The following GALNT13 variants were observed in gnomAD, a reference collection of about 807,000 sequenced individuals.
The protein encoded by GALNT13 is UDP-GalNAc:polypeptide N-acetylgalactosaminyltransferase 13.
Under a neutral mutation model 64.2 loss-of-function variants are expected in GALNT13, and 28 were observed. The ratio of observed to expected loss-of-function variants is 0.44; its 90% CI spans 0.32 to 0.60. The LOEUF (loss-of-function observed/expected upper bound fraction) is 0.60, where lower values mean the gene tolerates loss of function less well. GALNT13 is among the 20% of genes least tolerant of loss of function. The pLI is 0.05. For missense variants in GALNT13, 577 were observed against 669.8 expected, an observed-to-expected ratio of 0.86 and a Z score of 1.53; for synonymous variants, 214 against 224.6, an observed-to-expected ratio of 0.95 and a Z score of 0.42.
chr2:153,589,077 G>A, the GALNT13 span, among the ~76,000 whole-genome samples: 9 of 152,212 alleles, frequency 5.9e-5, 1 homozygote, highest in South Asian at 2.1e-4. Flanking sequence ...GATTGAACTC[G>A]GGAGCTGAGA....
At chr2:153,629,839 A>T in the GALNT13 span, among the ~76,000 whole-genome samples, 4 of 148,154 alleles carry the variant, frequency 2.7e-5, no homozygotes, top group South Asian at 6.7e-4. Context: ...TGGGCGAGGG[A>T]CATGAACAGA....
At position 154,306,662 on chromosome 2, in the gene GALNT13, G is replaced by C. The variant is rs574063432; in HGVS notation, c.1156+5073G>C. Among the ~76,000 whole-genome samples the C allele has an allele frequency of 8.0e-4, 120 of 150,684 alleles. 1 individual carries two copies. The highest frequency in any genetic ancestry group is 2.8e-3 in the African/African-American group (116 of 41,094). ...TGGGGAGTGCTGATTAGTCAGAGAT[G>C]AAATCATAGGGTATTGAAGTGGGTT... is the stretch of plus-strand genomic sequence containing the variant. On this transcript the variant is annotated intron_variant, in intron 9 of 12. Transcript: ENST00000392825.
At chr2:153,571,858 G>A in the GALNT13 span, among the ~76,000 whole-genome samples, 4 of 151,840 alleles carry the variant, frequency 2.6e-5, no homozygotes, top group African/African-American at 4.8e-5. Flanking sequence ...CTAGTATTTT[G>A]TTGAGGATTA....
chr2:154,327,548 C>A (rs1047527583), intron 9 of GALNT13, among the ~76,000 whole-genome samples: 2 of 152,010 alleles, frequency 1.3e-5, no homozygotes, highest in Non-Finnish European at 2.9e-5. Flanking sequence ...GGGCCCAACT[C>A]TATGTAGATA....
chr2:153,377,792 G>A, the GALNT13 span, among the ~76,000 whole-genome samples: 1 of 152,086 alleles, frequency 6.6e-6, no homozygotes, highest in Admixed American at 6.6e-5. Context: ...CGAATACAGT[G>A]CCCAATAATT....
At chr2:154,012,507 C>T (rs889126390) in intron 3 of GALNT13, among the ~76,000 whole-genome samples, 2 of 152,032 alleles carry the variant, frequency 1.3e-5, no homozygotes, top group African/African-American at 4.8e-5. Context: ...TTTTTTCTTT[C>T]ATTATGACCC....
intron 3 of GALNT13, among the ~76,000 whole-genome samples, chr2:154,118,868 T>C (rs146339823): frequency 7.2e-4 from 109 of 152,254 alleles, no homozygotes; most frequent in African/African-American, 2.5e-3. Context: ...TTTATGTTTT[T>C]GATGCCAGAA....
chr2:153,745,673 A>G, the GALNT13 span, among the ~76,000 whole-genome samples: 3 of 152,212 alleles, frequency 2.0e-5, no homozygotes. Flanking sequence ...GCATAGGTTA[A>G]CATAGGCCAA....
intron 4 of GALNT13, among the ~76,000 whole-genome samples, chr2:154,237,537 TGTA>T (rs1191747379): frequency 5.4e-5 from 8 of 147,318 alleles, no homozygotes; most frequent in African/African-American, 2.0e-4. Flanking sequence ...TATATATATA[TGTA>T]ATATTATATA....
intron 4 of GALNT13, among the ~76,000 whole-genome samples, chr2:154,198,020 G>T (rs1034887747): frequency 6.6e-6 from 1 of 151,814 alleles, no homozygotes; most frequent in Non-Finnish European, 1.5e-5. Flanking sequence ...GCAAGTGTTG[G>T]CAAGGATGCA....
At chr2:153,880,827 A>G (rs1168451852) in intron 1 of GALNT13, among the ~76,000 whole-genome samples, 2 of 137,958 alleles carry the variant, frequency 1.4e-5, no homozygotes, top group African/African-American at 2.9e-5. Flanking sequence ...TTTGCTCCAT[A>G]TCTTGTTCTT....
the GALNT13 span, among the ~76,000 whole-genome samples, chr2:153,541,694 A>C: frequency 6.6e-6 from 1 of 152,224 alleles, no homozygotes. Flanking sequence ...GGAGGGGAAT[A>C]CATGCTTAGA....
chr2:153,588,123 C>G, the GALNT13 span, among the ~76,000 whole-genome samples: 6 of 152,190 alleles, frequency 3.9e-5, no homozygotes, highest in African/African-American at 1.4e-4. Context: ...TGTGGCTTTT[C>G]AGGGTACAGC....
chr2:154,417,840 T>G (rs1700089438), intron 11 of GALNT13, among the ~76,000 whole-genome samples: 2 of 152,046 alleles, frequency 1.3e-5, no homozygotes, highest in Non-Finnish European at 2.9e-5. Flanking sequence ...ATTCTATCAA[T>G]CTAGTCGCAC....
rs151198545 is a variant in GALNT13, at chr2:154,306,676, T to C, written c.1156+5087T>C. On this transcript the variant is annotated intron_variant, in intron 9 of 12. Coordinates refer to ENST00000392825, the MANE Select transcript of GALNT13 (RefSeq NM_052917.4). ...TAGTCAGAGATGAAATCATAGGGTA[T>C]TGAAGTGGGTTTTTCTTGCAGTCTT... Among the ~76,000 whole-genome samples the C allele has an allele frequency of 7.9e-4, 119 of 149,838 alleles. 1 individual carries two copies. Among genetic ancestry groups the C allele is most frequent in the Non-Finnish European group, 1.5e-3 (103 of 67,626 alleles).
chr2:153,883,905 A>G (rs1296161103), intron 1 of GALNT13, among the ~76,000 whole-genome samples: 3 of 152,052 alleles, frequency 2.0e-5, no homozygotes, highest in African/African-American at 7.2e-5. Context: ...TTTTCAGTCA[A>G]TCTTACTTAA....
At chr2:154,181,829 G>A (rs1240440127) in intron 4 of GALNT13, among the ~76,000 whole-genome samples, 1 of 151,676 alleles carries the variant, frequency 6.6e-6, no homozygotes, top group Non-Finnish European at 1.5e-5. Context: ...CAGTTCCTTA[G>A]TATCTAAGCT....
At chr2:153,722,994 A>T in the GALNT13 span, among the ~76,000 whole-genome samples, 1 of 152,108 alleles carries the variant, frequency 6.6e-6, no homozygotes, top group African/African-American at 2.4e-5. Context: ...GGGCAGAGAC[A>T]CAACCAAAAG....
At chr2:153,916,516 A>G (rs540821598) in intron 2 of GALNT13, among the ~76,000 whole-genome samples, 1 of 72,662 alleles carries the variant, frequency 1.4e-5, no homozygotes, top group East Asian at 1.1e-3. Context: ...TTCTAACATC[A>G]TACAGAACTA....
Sources: gnomAD v4.1 joint callset for allele counts (sites outside exome capture counted in the v4.1 genomes callset) on GRCh38, gnomAD v4.1.1 for gene constraint, MANE v1.5 for transcripts, NCBI Gene and HGNC (gene_info 2026-07-23, HGNC 2026-07-21) for gene names.